Variants in SRD5A2 observed in about 807,000 individuals in gnomAD.
SRD5A2 encodes the protein 3-oxo-5-alpha-steroid 4-dehydrogenase 2.
SRD5A2 carries 30 observed loss-of-function variants against 27.4 expected under a neutral mutation model. That is an observed-to-expected ratio of 1.10 (90% CI 0.82 to 1.49). The LOEUF (loss-of-function observed/expected upper bound fraction) is 1.49, where lower values mean the gene tolerates loss of function less well. Ranked by LOEUF, SRD5A2 falls within the 40% of genes most tolerant of loss-of-function variation. The pLI is 0.00. For synonymous variants in SRD5A2, 141 were observed against 133.6 expected (o/e 1.06, Z -0.38); for missense variants, 348 against 323.4 (o/e 1.08, Z -0.58).
the SRD5A2 span, among the ~76,000 whole-genome samples, chr2:31,606,010 C>T: frequency 6.6e-6 from 1 of 151,880 alleles, no homozygotes; most frequent in Non-Finnish European, 1.5e-5. Flanking sequence ...ATGGATGGAA[C>T]TGGAGGTTAT....
the SRD5A2 span, among the ~76,000 whole-genome samples, chr2:31,658,932 A>G: frequency 6.6e-6 from 1 of 152,226 alleles, no homozygotes; most frequent in African/African-American, 2.4e-5. Context: ...ACTTCAGGCC[A>G]ATATCCCAAC....
chr2:31,528,722 C>T (rs576330309), intron 4 of SRD5A2, among the ~76,000 whole-genome samples: 51 of 152,166 alleles, frequency 3.4e-4, no homozygotes, highest in African/African-American at 1.2e-3. Flanking sequence ...GGCAAGATCG[C>T]CCCATTGCAC....
chr2:31,579,228 A>G (rs1313894005), intron 1 of SRD5A2, among the ~76,000 whole-genome samples: 1 of 152,248 alleles, frequency 6.6e-6, no homozygotes, highest in African/African-American at 2.4e-5. Flanking sequence ...TTAAGATTGC[A>G]TAAATATTAA....
rs35752905 is a variant in SRD5A2, at chr2:31,532,361, T to TCACACACA, written c.446-897_446-890dup. The stretch of plus-strand genomic sequence containing the variant: ...CAAACTGACTTCCATCACTGCCAGT[T>TCACACACA]CACACACACACACACACACACACAC... On this transcript the variant is annotated intron_variant, in intron 2 of 4. Coordinates refer to ENST00000622030, the MANE Select transcript of SRD5A2 (RefSeq NM_000348.4). Among the ~76,000 whole-genome samples the TCACACACA allele has an allele frequency of 3.2e-4, 46 of 143,798 alleles. No individual in the cohort carries two copies. The East Asian group carries it at 5.8e-3, about 18-fold the overall frequency. The allele number at this position is 143,798 out of a possible 152,430, so 94.3% of individuals were successfully genotyped here. A position where few individuals can be genotyped will look rare whatever the true frequency, so the allele number is the denominator to read the frequency against.
chr2:31,621,513 C>T, the SRD5A2 span, among the ~76,000 whole-genome samples: 1 of 152,110 alleles, frequency 6.6e-6, no homozygotes, highest in African/African-American at 2.4e-5. Context: ...CTTTGAAAGG[C>T]ATTTCAGTCA....
chr2:31,529,607 T>G, intron 3 of SRD5A2, 150 bp from the exon 4 acceptor site: 1 of 1,138,560 alleles, frequency 8.8e-7, no homozygotes, highest in Non-Finnish European at 1.2e-6. Context: ...GGTGGAATCC[T>G]CTTGGGGAGA....
intron 1 of SRD5A2, among the ~76,000 whole-genome samples, chr2:31,561,845 C>A (rs1666630900): frequency 6.6e-6 from 1 of 152,116 alleles, no homozygotes; most frequent in African/African-American, 2.4e-5. Context: ...AGAATCAGAT[C>A]AACTTCATGG....
At chr2:31,658,810 T>C in the SRD5A2 span, among the ~76,000 whole-genome samples, 1 of 152,110 alleles carries the variant, frequency 6.6e-6, no homozygotes, top group Non-Finnish European at 1.5e-5. Flanking sequence ...GCTGGCACCA[T>C]TCCAACTGAA....
chr2:31,644,949 A>C, the SRD5A2 span, among the ~76,000 whole-genome samples: 8 of 152,200 alleles, frequency 5.3e-5, no homozygotes, highest in Non-Finnish European at 7.3e-5. Context: ...AGGCAAGCTT[A>C]TTAATTTATC....
the SRD5A2 span, among the ~76,000 whole-genome samples, chr2:31,612,403 A>T: frequency 6.6e-6 from 1 of 152,216 alleles, no homozygotes; most frequent in East Asian, 1.9e-4. Flanking sequence ...AAGAATTTTT[A>T]AAATCTCAAT....
At chr2:31,636,898 A>G in the SRD5A2 span, among the ~76,000 whole-genome samples, 1 of 152,046 alleles carries the variant, frequency 6.6e-6, no homozygotes, top group Non-Finnish European at 1.5e-5. Context: ...GGATTTTTGC[A>G]TCTATGTTCA....
intron 3 of SRD5A2, among the ~76,000 whole-genome samples, chr2:31,530,121 T>C (rs147977063): frequency 3.0e-4 from 46 of 152,338 alleles, no homozygotes; most frequent in African/African-American, 1.1e-3. Context: ...AATCAGCATA[T>C]TTCTAATGAT....
chr2:31,546,145 C>T (rs1666249585), intron 1 of SRD5A2, among the ~76,000 whole-genome samples: 1 of 151,440 alleles, frequency 6.6e-6, no homozygotes, highest in Non-Finnish European at 1.5e-5. Flanking sequence ...AATCTATTGA[C>T]TCAATACAAT....
chr2:31,533,831 C>A, intron 1 of SRD5A2, 65 bp from the exon 2 acceptor site: 1 of 1,517,472 alleles, frequency 6.6e-7, no homozygotes, highest in Non-Finnish European at 8.9e-7. Flanking sequence ...TCATCCCCAC[C>A]TCTTTCTTAA....
At chr2:31,557,280 T>C (rs905088295) in intron 1 of SRD5A2, among the ~76,000 whole-genome samples, 1 of 152,242 alleles carries the variant, frequency 6.6e-6, no homozygotes, top group Non-Finnish European at 1.5e-5. Flanking sequence ...AGAAGTCATT[T>C]TAAGGGTTCC....
At chr2:31,602,995 C>T in the SRD5A2 span, among the ~76,000 whole-genome samples, 1 of 151,958 alleles carries the variant, frequency 6.6e-6, no homozygotes, top group Admixed American at 6.6e-5. Context: ...CCATTCAGGA[C>T]ATAGGTATGG....
the SRD5A2 span, among the ~76,000 whole-genome samples, chr2:31,645,520 G>A: frequency 6.6e-5 from 10 of 152,094 alleles, no homozygotes; most frequent in African/African-American, 1.2e-4. Context: ...TTTGATTCTC[G>A]TTAGTTCAAT....
the SRD5A2 span, chr2:31,651,265 C>T: frequency 6.6e-6 from 1 of 152,412 alleles, no homozygotes; most frequent in African/African-American, 2.4e-5. Flanking sequence ...GAAATCTAAT[C>T]TAAAAAAATT....
intron 1 of SRD5A2, among the ~76,000 whole-genome samples, chr2:31,558,163 T>C (rs1666539049): frequency 6.6e-6 from 1 of 152,214 alleles, no homozygotes; most frequent in South Asian, 2.1e-4. Flanking sequence ...ACCTTTAGTG[T>C]AGGAAAATAC....
Sources: gnomAD v4.1 joint callset for allele counts (sites outside exome capture counted in the v4.1 genomes callset) on GRCh38, gnomAD v4.1.1 for gene constraint, MANE v1.5 for transcripts, NCBI Gene and HGNC (gene_info 2026-07-23, HGNC 2026-07-21) for gene names.